CCDC102B: variants seen among roughly 807,000 people sequenced by gnomAD.
CCDC102B encodes coiled-coil domain-containing protein 102B.
CCDC102B carries 75 observed loss-of-function variants against 57.4 expected under a neutral mutation model. The ratio of observed to expected loss-of-function variants is 1.31; its 90% confidence interval spans 1.08 to 1.58. CCDC102B has a LOEUF of 1.58. Among genes scored for constraint, CCDC102B ranks in the 40% most tolerant of loss-of-function variants. The pLI, the probability that CCDC102B is intolerant of heterozygous loss-of-function variation, is 0.00. For synonymous variants in CCDC102B, 206 were observed against 201.9 expected (o/e 1.02, Z -0.17); for missense variants, 636 against 582.6 (o/e 1.09, Z -0.94).
At chr18:68,814,754 T>G (rs6566385) in intron 1 of CCDC102B, among the ~76,000 whole-genome samples, 62,413 of 151,816 alleles carry the variant, frequency 0.41, 14,158 homozygotes, top group East Asian at 0.86. Context: ...AGAAGTGTTT[T>G]AAGTACAAAT....
At chr18:69,035,028 A>G (rs1173912530) in intron 7 of CCDC102B, among the ~76,000 whole-genome samples, 1 of 151,988 alleles carries the variant, frequency 6.6e-6, no homozygotes, top group Non-Finnish European at 1.5e-5. Context: ...ATACTAATTT[A>G]TTTATAAGCA....
rs1232958262 is a variant in CCDC102B, at chr18:69,054,119, G to A, written c.1524G>A (p.Arg508=). Residue 508 remains arginine, a synonymous_variant, in exon 8 of 8, where the codon AGG becomes AGA. Transcript: ENST00000360242. ...ATGAAAACTTAGAGACTGAACTCAG[G>A]CACTTGCAAAACTGGTAATTTTTTC... is the stretch of plus-strand genomic sequence containing the variant. ...ERNENLETEL[R]HLQNW 6.2e-7 allele frequency: 1 copy of A among 1,603,692 alleles called. No individual in the cohort carries two copies. The highest frequency in any genetic ancestry group is 8.5e-7 in the Non-Finnish European group (1 of 1,176,994).
At chr18:68,961,388 C>T (rs1363151871) in intron 6 of CCDC102B, among the ~76,000 whole-genome samples, 1 of 151,788 alleles carries the variant, frequency 6.6e-6, no homozygotes, top group Non-Finnish European at 1.5e-5. Context: ...TCAATCAAAA[C>T]TAGATATAGG....
chr18:69,040,182 C>T (rs2052395594), intron 7 of CCDC102B, among the ~76,000 whole-genome samples: 1 of 151,880 alleles, frequency 6.6e-6, no homozygotes, highest in Non-Finnish European at 1.5e-5. Flanking sequence ...AAAAGTTAAT[C>T]CCTAATTTTA....
chr18:68,828,286 G>A (rs1168126625), intron 1 of CCDC102B, among the ~76,000 whole-genome samples: 1 of 117,386 alleles, frequency 8.5e-6, no homozygotes, highest in Non-Finnish European at 1.6e-5. Context: ...ATTTTCAAGT[G>A]TCATGTAACA....
intron 1 of CCDC102B, among the ~76,000 whole-genome samples, chr18:68,810,346 C>T (rs1319491017): frequency 1.3e-5 from 2 of 152,106 alleles, no homozygotes; most frequent in African/African-American, 4.8e-5. Flanking sequence ...TGCATATACA[C>T]ACTCAGCAGG....
intron 7 of CCDC102B, among the ~76,000 whole-genome samples, chr18:69,050,930 G>A (rs1382276245): frequency 1.3e-5 from 2 of 152,106 alleles, no homozygotes; most frequent in Admixed American, 6.6e-5. Context: ...CTTCACTCAG[G>A]TTGGTGTACA....
chr18:68,960,213 A>T (rs1599757020), intron 6 of CCDC102B, among the ~76,000 whole-genome samples: 1 of 152,018 alleles, frequency 6.6e-6, no homozygotes, highest in Non-Finnish European at 1.5e-5. Context: ...ATGCAATGAA[A>T]CCTGCCAGGA....
intron 1 of CCDC102B, among the ~76,000 whole-genome samples, chr18:68,820,034 T>C (rs531980735): frequency 6.2e-4 from 95 of 152,184 alleles, no homozygotes; most frequent in African/African-American, 2.2e-3. Flanking sequence ...TTTATTTATT[T>C]TCACTTCTAT....
intron 4 of CCDC102B, chr18:68,866,390 A>C (rs2038981233): frequency 6.6e-6 from 1 of 152,484 alleles, no homozygotes. Flanking sequence ...AACAACATAA[A>C]ATTGTAAGTA....
chr18:68,954,313 G>A (rs9956712), intron 6 of CCDC102B, among the ~76,000 whole-genome samples: 43,600 of 151,960 alleles, frequency 0.29, 7,985 homozygotes, highest in African/African-American at 0.5. Context: ...CCAGCTACTC[G>A]GGAGGCTTAG....
chr18:68,894,708 AAT>A (rs145072320), intron 5 of CCDC102B, among the ~76,000 whole-genome samples: 1,681 of 152,018 alleles, frequency 0.011, 39 homozygotes, highest in East Asian at 0.08. Context: ...TTTACTTTTT[AAT>A]ATATGTTATA....
At chr18:68,837,423 G>T in intron 2 of CCDC102B, 54 bp downstream of exon 2, 2 of 1,517,576 alleles carry the variant, frequency 1.3e-6, no homozygotes, top group Non-Finnish European at 1.8e-6. Context: ...ATATAGTGAT[G>T]GGGAGGAAGA....
At chr18:68,986,605 T>C (rs1437272631) in intron 6 of CCDC102B, among the ~76,000 whole-genome samples, 1 of 151,704 alleles carries the variant, frequency 6.6e-6, no homozygotes, top group Non-Finnish European at 1.5e-5. Flanking sequence ...CCCATCCAAA[T>C]AGGAAAAGAA....
chr18:68,888,077 A>G (rs2039950760), intron 5 of CCDC102B, among the ~76,000 whole-genome samples: 1 of 152,214 alleles, frequency 6.6e-6, no homozygotes, highest in Admixed American at 6.5e-5. Context: ...CTTACAACAG[A>G]CAGTAACCTT....
intron 6 of CCDC102B, among the ~76,000 whole-genome samples, chr18:68,910,496 C>G (rs1356952425): frequency 6.6e-6 from 1 of 151,972 alleles, no homozygotes; most frequent in Non-Finnish European, 1.5e-5. Flanking sequence ...ATCACCAACC[C>G]CCTCTAAAGT....
intron 7 of CCDC102B, among the ~76,000 whole-genome samples, chr18:69,042,724 G>A (rs945615703): frequency 6.6e-6 from 1 of 152,168 alleles, no homozygotes; most frequent in South Asian, 2.1e-4. Flanking sequence ...CAGGGTTTGA[G>A]TGTAGGGAGT....
At chr18:68,844,348 C>T (rs903073358) in intron 3 of CCDC102B, among the ~76,000 whole-genome samples, 30 of 150,518 alleles carry the variant, frequency 2.0e-4, no homozygotes, top group Non-Finnish European at 3.7e-4. Context: ...TAAATATATG[C>T]TTCATTACAC....
At chr18:68,961,312 G>T (rs1019651935) in intron 6 of CCDC102B, among the ~76,000 whole-genome samples, 4 of 151,662 alleles carry the variant, frequency 2.6e-5, no homozygotes, top group Non-Finnish European at 4.4e-5. Context: ...ATACAAAATT[G>T]TTTTATTTAT....
Sources: gnomAD v4.1 joint callset for allele counts (sites outside exome capture counted in the v4.1 genomes callset) on GRCh38, gnomAD v4.1.1 for gene constraint, MANE v1.5 for transcripts, NCBI Gene and HGNC (gene_info 2026-07-23, HGNC 2026-07-21) for gene names.